Variants in PRKACB observed in about 807,000 individuals in gnomAD.
PRKACB encodes protein kinase cAMP-activated catalytic subunit beta.
Under a neutral mutation model 51.4 loss-of-function variants are expected in PRKACB, and 16 were observed. That is an observed-to-expected ratio of 0.31 (90% CI 0.21 to 0.47). PRKACB has a LOEUF of 0.47. Among genes scored for constraint, PRKACB ranks in the 20% least tolerant of loss-of-function variants. The pLI is 1.00. For missense variants in PRKACB, 309 were observed against 464.5 expected, an observed-to-expected ratio of 0.67 and a Z score of 3.08; for synonymous variants, 147 against 154.4, an observed-to-expected ratio of 0.95 and a Z score of 0.35.
intron 8 of PRKACB, chr1:84,205,016 G>A: frequency 1.0e-6 from 1 of 983,680 alleles, no homozygotes; most frequent in Non-Finnish European, 1.2e-6. Flanking sequence ...GGGCACCTTA[G>A]AAGAATGACA....
chr1:84,134,956 A>G (rs1475669969), intron 1 of PRKACB, among the ~76,000 whole-genome samples: 2 of 152,222 alleles, frequency 1.3e-5, no homozygotes, highest in African/African-American at 4.8e-5. Context: ...ATGAAAAATA[A>G]AAGATTCTTA....
intron 8 of PRKACB, among the ~76,000 whole-genome samples, chr1:84,212,339 GA>G (rs1158005901): frequency 6.8e-6 from 1 of 147,288 alleles, no homozygotes; most frequent in East Asian, 1.9e-4. Context: ...ACCAGATTTT[GA>G]AAAAATTTAC....
At chr1:84,218,073 C>G (rs549032000) in intron 9 of PRKACB, among the ~76,000 whole-genome samples, 1 of 151,930 alleles carries the variant, frequency 6.6e-6, no homozygotes, top group Non-Finnish European at 1.5e-5. Context: ...TTAATATATG[C>G]GTAGTATGTG....
At chr1:84,193,686 G>T (rs1339657831) in intron 5 of PRKACB, among the ~76,000 whole-genome samples, 2 of 152,144 alleles carry the variant, frequency 1.3e-5, no homozygotes. Context: ...TCAGGTTACA[G>T]CAGGAAGCTT....
chr1:84,153,885 A>G (rs1655134416), intron 1 of PRKACB, among the ~76,000 whole-genome samples: 1 of 152,072 alleles, frequency 6.6e-6, no homozygotes, highest in African/African-American at 2.4e-5. Flanking sequence ...CTTTCTTTTG[A>G]TACATACTTA....
chr1:84,220,338 T>A (rs1673514182), intron 9 of PRKACB, among the ~76,000 whole-genome samples: 1 of 152,180 alleles, frequency 6.6e-6, no homozygotes, highest in African/African-American at 2.4e-5. Context: ...TTTTTATGAG[T>A]TCTAAGAATA....
At chr1:84,146,788 G>C (rs942498927) in intron 1 of PRKACB, among the ~76,000 whole-genome samples, 1 of 151,936 alleles carries the variant, frequency 6.6e-6, no homozygotes, top group African/African-American at 2.4e-5. Flanking sequence ...AGTTTCTTTC[G>C]TGTCCAGTGA....
intron 1 of PRKACB, among the ~76,000 whole-genome samples, chr1:84,101,207 A>C (rs1649326951): frequency 6.6e-6 from 1 of 152,194 alleles, no homozygotes; most frequent in Non-Finnish European, 1.5e-5. Flanking sequence ...TGGACCTCTC[A>C]ATCACAGGCT....
At chr1:84,145,002 A>G (rs1653848416) in intron 1 of PRKACB, among the ~76,000 whole-genome samples, 1 of 152,150 alleles carries the variant, frequency 6.6e-6, no homozygotes, top group African/African-American at 2.4e-5. Context: ...CATGTGAGAA[A>G]GTTATTTCAG....
At chr1:84,126,038 G>A (rs1416666501) in intron 1 of PRKACB, among the ~76,000 whole-genome samples, 5 of 142,768 alleles carry the variant, frequency 3.5e-5, no homozygotes, top group African/African-American at 5.1e-5. Flanking sequence ...CTGGGCATCC[G>A]CAGGAGTAGA....
At chr1:84,167,652 G>A (rs1657960346) in intron 1 of PRKACB, among the ~76,000 whole-genome samples, 1 of 151,442 alleles carries the variant, frequency 6.6e-6, no homozygotes, top group Admixed American at 6.6e-5. Flanking sequence ...AGTCACCCCA[G>A]TACCCCAAAC....
At chr1:84,208,302 T>C (rs908330912) in intron 8 of PRKACB, among the ~76,000 whole-genome samples, 3 of 152,248 alleles carry the variant, frequency 2.0e-5, no homozygotes, top group African/African-American at 7.2e-5. Flanking sequence ...TTATAATCAG[T>C]GCTGAAAGCA....
intron 1 of PRKACB, among the ~76,000 whole-genome samples, chr1:84,148,031 T>C (rs912815394): frequency 6.6e-6 from 1 of 152,176 alleles, no homozygotes; most frequent in Admixed American, 6.5e-5. Context: ...CAGAGAAATG[T>C]GTATAGCTAC....
At chr1:84,152,112 A>T (rs1654921697) in intron 1 of PRKACB, among the ~76,000 whole-genome samples, 1 of 152,230 alleles carries the variant, frequency 6.6e-6, no homozygotes, top group Admixed American at 6.6e-5. Context: ...AACAACGTTC[A>T]TCTCCTTGTA....
chr1:84,207,459 G>T (rs1472125253), intron 8 of PRKACB, among the ~76,000 whole-genome samples: 1 of 150,544 alleles, frequency 6.6e-6, no homozygotes, highest in African/African-American at 2.5e-5. Context: ...TCTATAACAT[G>T]CCTAGCGTAT....
upstream of PRKACB, among the ~76,000 whole-genome samples, chr1:84,140,087 A>G (rs1653255677): frequency 6.6e-6 from 1 of 152,120 alleles, no homozygotes; most frequent in Non-Finnish European, 1.5e-5. Context: ...AAAATAGAAG[A>G]TTTACACTAT....
chr1:84,079,809 GT>G (rs1329176746), intron 1 of PRKACB, among the ~76,000 whole-genome samples: 1 of 151,662 alleles, frequency 6.6e-6, no homozygotes, highest in East Asian at 1.9e-4. Flanking sequence ...GGGATTACAG[GT>G]GCCCACCACC....
chr1:84,192,850 C>T (rs192306139), intron 5 of PRKACB, among the ~76,000 whole-genome samples: 44 of 152,210 alleles, frequency 2.9e-4, no homozygotes, highest in Admixed American at 9.2e-4. Context: ...TGCCTTCAAA[C>T]TTTGAGAGCC....
intron 1 of PRKACB, among the ~76,000 whole-genome samples, chr1:84,155,748 G>A (rs1394909744): frequency 6.6e-6 from 1 of 152,128 alleles, no homozygotes; most frequent in Non-Finnish European, 1.5e-5. Context: ...GTTGCTTTCA[G>A]CTTTGGTGTT....
Sources: gnomAD v4.1 joint callset for allele counts (sites outside exome capture counted in the v4.1 genomes callset) on GRCh38, gnomAD v4.1.1 for gene constraint, MANE v1.5 for transcripts, NCBI Gene and HGNC (gene_info 2026-07-23, HGNC 2026-07-21) for gene names.